PIGG: variants seen among roughly 807,000 people sequenced by gnomAD.
PIGG encodes the protein phosphatidylinositol glycan anchor biosynthesis class G (EMM blood group), also known as GPI ethanolamine phosphate transferase 2, catalytic subunit.
PIGG carries 70 observed loss-of-function variants against 83.2 expected under a neutral mutation model. That is an observed-to-expected ratio of 0.84 (90% confidence interval 0.69 to 1.03). The LOEUF (loss-of-function observed/expected upper bound fraction) is 1.03. Among genes scored for constraint, PIGG ranks in the 50% least tolerant of loss-of-function variants. PIGG has a pLI of 0.00. For synonymous variants in PIGG, 532 were observed against 519.5 expected (o/e 1.02, Z -0.33); for missense variants, 1,257 against 1,233.6 (o/e 1.02, Z -0.28).
intron 7 of PIGG, 78 bp downstream of exon 7, chr4:521,351 T>C: frequency 1.1e-6 from 1 of 872,912 alleles, no homozygotes; most frequent in Admixed American, 2.7e-5. Context: ...GTTTTAAATA[T>C]ATATATAGGT....
In PIGG at chr4:521,797, G is replaced by A. The variant is rs1031603835; in HGVS notation, c.1470G>A (p.Val490=). The part of the protein sequence containing the change: ...ILVLSAVHVI[V]CTSAESSCYF... ...TTCTTTCGGCCGTTCACGTCATTGT[G>A]TGCACCTCAGCTGAAAGTTCGTGCT... Residue 490 remains valine, a synonymous_variant, in exon 8 of 13, where the codon GTG becomes GTA. Coordinates refer to ENST00000453061, the MANE Select transcript of PIGG (RefSeq NM_001127178.3). 2.4e-5 allele frequency: 39 copies of A among 1,614,196 alleles called. No individual in the cohort carries two copies. The Middle Eastern group carries it at 4.9e-4, about 20-fold the overall frequency.
intron 3 of PIGG, among the ~76,000 whole-genome samples, chr4:506,581 T>C (rs1719788955): frequency 6.6e-6 from 1 of 152,176 alleles, no homozygotes; most frequent in Admixed American, 6.5e-5. Context: ...ACAGTTACTT[T>C]TCAGTAATGA....
intron 8 of PIGG, chr4:522,609 G>A (rs7672868): frequency 0.15 from 23,388 of 160,656 alleles, 1,957 homozygotes; most frequent in African/African-American, 0.23. Flanking sequence ...CCAACCCTGC[G>A]CAGCCCTCAT....
In PIGG at chr4:516,113, T is replaced by C. The variant is rs758342970; in HGVS notation, c.1042T>C (p.Leu348=). The C allele has an allele frequency of 8.1e-6, 13 of 1,613,908 alleles. No individual in the cohort carries two copies. The highest frequency in any genetic ancestry group is 4.4e-5 in the South Asian group (4 of 91,072). ...GGAAGGAAGACCAATGAGAGAGCAGTTGAGATTTTTACATTTGAATACAGT... is the reference window on the plus strand; with the variant it reads ...GGAAGGAAGACCAATGAGAGAGCAGCTGAGATTTTTACATTTGAATACAGT... ...VVEGRPMREQ[L]RFLHLNTVQL... The change falls in exon 6 of 13, where the codon TTG becomes CTG. Residue 348 remains leucine, a synonymous_variant. Transcript: ENST00000453061.
chr4:527,434 T>C (rs1727962541), intron 10 of PIGG: 2 of 1,324,282 alleles, frequency 1.5e-6, no homozygotes, highest in African/African-American at 3.0e-5. Context: ...CCAGCTGCGT[T>C]GTTAGCACTT....
At chr4:530,397 C>T (rs1262620990) in intron 10 of PIGG, 39 bp from the exon 11 acceptor site, 1 of 1,397,218 alleles carries the variant, frequency 7.2e-7, no homozygotes, top group South Asian at 1.2e-5. Flanking sequence ...ATTTTTCTCA[C>T]TGGTGCTAAT....
intron 5 of PIGG, among the ~76,000 whole-genome samples, chr4:514,544 T>C (rs1232774301): frequency 6.6e-6 from 1 of 152,204 alleles, no homozygotes; most frequent in Non-Finnish European, 1.5e-5. Context: ...TTCTTTTTAG[T>C]GGAAGGTGGT....
intron 6 of PIGG, among the ~76,000 whole-genome samples, chr4:518,529 C>G (rs892231243): frequency 6.6e-6 from 1 of 152,158 alleles, no homozygotes. Context: ...GGAGGCGGAG[C>G]TTGCAGTGAG....
intron 3 of PIGG, chr4:506,736 C>G (rs782745419): frequency 1.3e-5 from 6 of 455,814 alleles, no homozygotes; most frequent in South Asian, 4.6e-5. Flanking sequence ...CTGCTCATCT[C>G]TCCTCCGTGA....
chr4:534,454 TC>T (rs1432625937), intron 12 of PIGG, among the ~76,000 whole-genome samples: 1 of 152,016 alleles, frequency 6.6e-6, no homozygotes, highest in Non-Finnish European at 1.5e-5. Flanking sequence ...CCGTGGCTCT[TC>T]TGAGTCGTCC....
chr4:505,459 CAAAAAA>C (rs35308755), intron 2 of PIGG, among the ~76,000 whole-genome samples: 11 of 45,028 alleles, frequency 2.4e-4, no homozygotes, highest in South Asian at 1.1e-3. Flanking sequence ...CTGTATCTAC[CAAAAAA>C]AAAAAAAAAA....
intron 12 of PIGG, among the ~76,000 whole-genome samples, chr4:535,424 C>CGA (rs1377292226): frequency 6.6e-6 from 1 of 150,688 alleles, no homozygotes; most frequent in African/African-American, 2.5e-5. Flanking sequence ...TGAAACCGCG[C>CGA]ACCGCGGCCC....
chr4:539,350 C>G lies in PIGG; in HGVS notation c.2933C>G (p.Thr978Ser). 6.2e-7 allele frequency: 1 copy of G among 1,606,968 alleles called. No homozygotes were observed. Among genetic ancestry groups the G allele is most frequent in the East Asian group, 2.2e-5 (1 of 44,838 alleles). Reference sequence around the variant, plus strand: ...GTATTCTTCACGGCAATGGATCAAACCAGACTCACACAGTCTTAGACTAAG... The same window carrying G: ...GTATTCTTCACGGCAATGGATCAAAGCAGACTCACACAGTCTTAGACTAAG... ...VCVFFTAMDQ[T>S]RLTQS The change falls in exon 13 of 13, where the codon ACC (threonine) becomes AGC (serine). Residue 978 changes from threonine to serine, a missense_variant. Coordinates refer to ENST00000453061, the MANE Select transcript of PIGG (RefSeq NM_001127178.3).
At position 505,632 on chromosome 4, in the gene PIGG, C is replaced by CA. The variant is rs374663154; in HGVS notation, c.361-69dup. ...TGAGCAACAGAGAGGGACCCTGTCT[C>CA]AAAAAAAAAAAAAAAAATCTTCAGT... On this transcript the variant is annotated intron_variant, in intron 2 of 12. Transcript: ENST00000453061. 0.078 allele frequency: 57,166 copies of CA among 733,906 alleles called. 368 individuals carry two copies. The highest frequency in any genetic ancestry group is 0.087 in the Non-Finnish European group (40,645 of 466,746). The allele number at this position is 733,906 out of a possible 1,614,324, so 45.5% of individuals were successfully genotyped here. A position where few individuals can be genotyped will look rare whatever the true frequency, so the allele number is the denominator to read the frequency against.
chr4:520,581 A>C (rs1725513983), intron 6 of PIGG, among the ~76,000 whole-genome samples: 1 of 152,248 alleles, frequency 6.6e-6, no homozygotes, highest in Non-Finnish European at 1.5e-5. Context: ...TGGGTGTGGC[A>C]GAGAAGGGTC....
At position 533,923 on chromosome 4, in the gene PIGG, G is replaced by A. The variant is rs375719259; in HGVS notation, c.2677G>A (p.Ala893Thr). Residue 893 changes from alanine (A) to threonine (T), a missense_variant, in exon 12 of 13, where the codon GCA becomes ACA. By Grantham distance (58) the Ala-to-Thr change is moderately conservative. Transcript: ENST00000453061. ...AVLLTAFGTYAGPVLWASHLV... is the reference protein window; with the variant it reads ...AVLLTAFGTYTGPVLWASHLV... ...GCTCCTGACAGCGTTTGGGACGTACGCAGGGCCTGTGCTGTGGGCCAGCCA... is the reference window on the plus strand; with the variant it reads ...GCTCCTGACAGCGTTTGGGACGTACACAGGGCCTGTGCTGTGGGCCAGCCA... 28 of 1,614,030 alleles carry A rather than the reference G, an allele frequency of 1.7e-5. No homozygotes were observed. The highest frequency in any genetic ancestry group is 5.0e-5 in the Admixed American group (3 of 60,008).
Position 500,392 on chromosome 4 carries a change from T to G in PIGG, c.155-4T>G, listed in dbSNP as rs1346370829. 8.1e-6 allele frequency: 13 copies of G among 1,610,642 alleles called. No homozygotes were observed. The African/African-American group carries it at 1.1e-4, about 13-fold the overall frequency. On this transcript the variant is annotated splice_polypyrimidine_tract_variant and splice_region_variant and intron_variant, in intron 1 of 12. Coordinates refer to ENST00000453061, the MANE Select transcript of PIGG (RefSeq NM_001127178.3). ...ATTTCCTTTTTTTTCTTTCAAACAC[T>G]TAGGAGCCAGTTCTAACTGGACCAC...
chr4:525,491 G>A (rs561558446), intron 9 of PIGG: 3 of 323,894 alleles, frequency 9.3e-6, no homozygotes, highest in South Asian at 2.5e-4. Context: ...TCCTAGTAAT[G>A]AGGGCACTTC....
rs747755508 is a variant in PIGG at position 516,131 on chromosome 4, A to T, written c.1060A>T (p.Asn354Tyr). 1 of 1,614,110 alleles carries T rather than the reference A, an allele frequency of 6.2e-7. No individual in the cohort carries two copies. Among genetic ancestry groups the T allele is most frequent in the Non-Finnish European group, 8.5e-7 (1 of 1,179,954 alleles). ...MREQLRFLHL[N>Y]TVQLSKLLQE... ...AGAGCAGTTGAGATTTTTACATTTGAATACAGTGCAGCTTAGTAAACTGTT... is the reference window on the plus strand; with the variant it reads ...AGAGCAGTTGAGATTTTTACATTTGTATACAGTGCAGCTTAGTAAACTGTT... Residue 354 changes from asparagine (N) to tyrosine (Y), a missense_variant, in exon 6 of 13, where the codon AAT (asparagine) becomes TAT (tyrosine). Coordinates refer to ENST00000453061, the MANE Select transcript of PIGG (RefSeq NM_001127178.3).
Sources: gnomAD v4.1 joint callset for allele counts (sites outside exome capture counted in the v4.1 genomes callset) on GRCh38, gnomAD v4.1.1 for gene constraint, MANE v1.5 for transcripts, NCBI Gene and HGNC (gene_info 2026-07-23, HGNC 2026-07-21) for gene names.